Variants in DNM3 observed in about 807,000 individuals in gnomAD.
DNM3 encodes the protein dynamin 3.
In DNM3, 47 loss-of-function variants were observed where a neutral mutation model predicts 101.6. That is an observed-to-expected ratio of 0.46 (90% CI 0.37 to 0.59). The LOEUF (loss-of-function observed/expected upper bound fraction) is 0.59, where lower values mean the gene tolerates loss of function less well. DNM3 is among the 20% of genes least tolerant of loss of function. The pLI is 0.00. For missense variants in DNM3, 849 were observed against 1,085.7 expected, an observed-to-expected ratio of 0.78 and a Z score of 3.06; for synonymous variants, 385 against 387.9, an observed-to-expected ratio of 0.99 and a Z score of 0.09.
At chr1:172,197,711 G>T (rs115949746) in intron 14 of DNM3, among the ~76,000 whole-genome samples, 2,819 of 151,876 alleles carry the variant, frequency 0.019, 76 homozygotes, top group African/African-American at 0.063. Flanking sequence ...CTCTTGTTTT[G>T]GCTGTTGTTG....
chr1:172,041,602 G>T (rs2049393563), intron 7 of DNM3, among the ~76,000 whole-genome samples: 2 of 152,212 alleles, frequency 1.3e-5, no homozygotes, highest in South Asian at 4.1e-4. Context: ...AGAGACTGAG[G>T]CTGTGACATT....
chr1:171,841,573 A>T lies in DNM3; in HGVS notation c.-84A>T. ...GGCTGGCTGAGCCCGGCGCAGCAGC[A>T]GCAGCCAGGGCAGCGCGGCCCCTAC... On this transcript the variant is annotated 5_prime_UTR_variant, in exon 1 of 21. Coordinates refer to ENST00000627582, the MANE Select transcript of DNM3 (RefSeq NM_015569.5). The T allele has an allele frequency of 6.7e-7, 1 of 1,498,550 alleles. No homozygotes were observed. The highest frequency in any genetic ancestry group is 8.9e-7 in the Non-Finnish European group (1 of 1,125,602). The allele number at this position is 1,498,550 out of a possible 1,614,324, so 92.8% of individuals were successfully genotyped here. A position where few individuals can be genotyped will look rare whatever the true frequency, so the allele number is the denominator to read the frequency against.
chr1:172,061,289 G>A (rs2051172151), intron 10 of DNM3, among the ~76,000 whole-genome samples: 1 of 145,966 alleles, frequency 6.9e-6, no homozygotes, highest in South Asian at 2.2e-4. Flanking sequence ...AGTCAGTGTG[G>A]CGATTCCTCA....
intron 15 of DNM3, among the ~76,000 whole-genome samples, chr1:172,258,162 C>T (rs1161148829): frequency 6.6e-6 from 1 of 152,014 alleles, no homozygotes; most frequent in Non-Finnish European, 1.5e-5. Flanking sequence ...AAATATACCA[C>T]CTTTTCTTTA....
At chr1:172,334,704 T>C (rs1024672031) in intron 17 of DNM3, among the ~76,000 whole-genome samples, 8 of 151,950 alleles carry the variant, frequency 5.3e-5, no homozygotes, top group African/African-American at 1.7e-4. Context: ...ATGAAAAATA[T>C]ATTCCCTGCC....
At chr1:171,848,947 G>C (rs1414425248) in intron 1 of DNM3, among the ~76,000 whole-genome samples, 1 of 152,034 alleles carries the variant, frequency 6.6e-6, no homozygotes, top group East Asian at 1.9e-4. Flanking sequence ...TATTTCCAAG[G>C]GTTTAAAATG....
At position 171,970,619 on chromosome 1, in the gene DNM3, A is replaced by G. The variant is rs547490120; in HGVS notation, c.236-17037A>G. On this transcript the variant is annotated intron_variant, in intron 2 of 20. Transcript: ENST00000627582. ...TTTTAGGATGAGTATGAATTTTCAT[A>G]TGCAATGCAGTTCCATCTTATGTAA... 2.1e-5 allele frequency among the ~76,000 whole-genome samples: 3 copies of G among 145,778 alleles called. No individual in the cohort carries two copies. The South Asian group carries it at 6.6e-4, about 32-fold the overall frequency.
chr1:172,018,814 A>G (rs988043077), intron 4 of DNM3, among the ~76,000 whole-genome samples: 1 of 151,736 alleles, frequency 6.6e-6, no homozygotes, highest in Non-Finnish European at 1.5e-5. Context: ...TGCTTTCTTT[A>G]TGTAGATCTG....
At chr1:172,406,190 A>AG (rs1450525751) in intron 20 of DNM3, among the ~76,000 whole-genome samples, 2 of 151,958 alleles carry the variant, frequency 1.3e-5, no homozygotes, top group Non-Finnish European at 2.9e-5. Flanking sequence ...CTGTATCAGG[A>AG]GAGGGGAAGG....
chr1:172,160,002 A>G (rs2058486969), intron 14 of DNM3, among the ~76,000 whole-genome samples: 1 of 151,496 alleles, frequency 6.6e-6, no homozygotes, highest in South Asian at 2.1e-4. Flanking sequence ...ACACAATGGT[A>G]TTTGTGTATC....
At chr1:172,323,494 G>A (rs1289803464) in intron 17 of DNM3, among the ~76,000 whole-genome samples, 154 bp downstream of exon 17, 1 of 152,156 alleles carries the variant, frequency 6.6e-6, no homozygotes, top group African/African-American at 2.4e-5. Context: ...GGGAAAATGT[G>A]CATTTGCACT....
chr1:172,313,217 CAAAGT>C (rs1173616274), intron 16 of DNM3, among the ~76,000 whole-genome samples: 2 of 152,118 alleles, frequency 1.3e-5, no homozygotes, highest in African/African-American at 4.8e-5. Flanking sequence ...TATCCAGTTT[CAAAGT>C]AAAGATGTCT....
chr1:171,995,917 A>C (rs1302238070), intron 4 of DNM3, among the ~76,000 whole-genome samples: 1 of 152,156 alleles, frequency 6.6e-6, no homozygotes, highest in Admixed American at 6.6e-5. Flanking sequence ...TACTAAATTA[A>C]ATCTTTTTGA....
chr1:172,042,183 A>C, intron 8 of DNM3, 39 bp downstream of exon 8: 1 of 1,553,200 alleles, frequency 6.4e-7, no homozygotes, highest in South Asian at 1.3e-5. Flanking sequence ...GTTTCACTTC[A>C]CTTCCATATT....
intron 2 of DNM3, among the ~76,000 whole-genome samples, chr1:171,983,157 C>T (rs796288337): frequency 1.8e-4 from 27 of 152,166 alleles, no homozygotes; most frequent in African/African-American, 6.3e-4. Flanking sequence ...CAACAAAACT[C>T]CTTAAAAGAA....
chr1:171,952,082 G>A (rs1364428743), intron 2 of DNM3, among the ~76,000 whole-genome samples: 1 of 152,146 alleles, frequency 6.6e-6, no homozygotes, highest in Non-Finnish European at 1.5e-5. Context: ...GATAAGGGAG[G>A]TTGTGGAGAC....
intron 18 of DNM3, 138 bp from the exon 19 acceptor site, chr1:172,386,995 G>T: frequency 1.5e-6 from 1 of 669,970 alleles, no homozygotes; most frequent in Non-Finnish European, 2.6e-6. Context: ...ACAGACGCTT[G>T]GTGCTTCACT....
At chr1:171,882,121 C>A (rs544386969) in intron 1 of DNM3, among the ~76,000 whole-genome samples, 72 of 151,968 alleles carry the variant, frequency 4.7e-4, no homozygotes, top group African/African-American at 1.7e-3. Context: ...CCGAGGTGGG[C>A]GGATCACCTG....
At chr1:172,407,486 G>A (rs956411389) in intron 20 of DNM3, among the ~76,000 whole-genome samples, 5 of 152,086 alleles carry the variant, frequency 3.3e-5, no homozygotes, top group African/African-American at 1.2e-4. Context: ...TAAGATATGT[G>A]CAGTACGTTT....
Sources: gnomAD v4.1 joint callset for allele counts (sites outside exome capture counted in the v4.1 genomes callset) on GRCh38, gnomAD v4.1.1 for gene constraint, MANE v1.5 for transcripts, NCBI Gene and HGNC (gene_info 2026-07-23, HGNC 2026-07-21) for gene names.